Variants in SVEP1 observed in about 807,000 individuals in gnomAD.
The protein encoded by SVEP1 is sushi, von Willebrand factor type A, EGF and pentraxin domain-containing protein 1.
Under a neutral mutation model 367.3 loss-of-function variants are expected in SVEP1, and 164 were observed. The ratio of observed to expected loss-of-function variants is 0.45; its 90% CI spans 0.39 to 0.51. SVEP1 has a LOEUF of 0.51. SVEP1 is among the 20% of genes least tolerant of loss of function. SVEP1 has a pLI of 0.00. For synonymous variants in SVEP1, 1,666 were observed against 1,611.6 expected, an observed-to-expected ratio of 1.03 and a Z score of -0.81; for missense variants, 4,117 against 4,425.3, an observed-to-expected ratio of 0.93 and a Z score of 1.98.
chr9:110,382,595 A>C (rs539585812), intron 43 of SVEP1, among the ~76,000 whole-genome samples: 1 of 152,192 alleles, frequency 6.6e-6, no homozygotes, highest in East Asian at 1.9e-4. Flanking sequence ...GGATTTCCTG[A>C]ACTGGAATGT....
At chr9:110,470,790 T>A (rs1019727725) in intron 16 of SVEP1, among the ~76,000 whole-genome samples, 6 of 149,336 alleles carry the variant, frequency 4.0e-5, no homozygotes, top group Non-Finnish European at 8.9e-5. Context: ...ATATATATAT[T>A]TATTATACTT....
In SVEP1 at chr9:110,479,650, C is replaced by G. The variant is rs188609846; in HGVS notation, c.2472G>C (p.Thr824=). Residue 824 remains threonine, a synonymous_variant, in exon 13 of 48, where the codon ACG becomes ACC. Coordinates refer to ENST00000374469, the MANE Select transcript of SVEP1 (RefSeq NM_153366.4). ...LMKKFSEAFE[T]TLGKMVPSFC... is the part of the protein sequence containing the mutation. Reference sequence around the variant, plus strand: ...ATTGATGTACCATTTTTCCCAGGGTCGTCTCAAATGCTTCAGAAAACTTCT... The same window carrying G: ...ATTGATGTACCATTTTTCCCAGGGTGGTCTCAAATGCTTCAGAAAACTTCT... The G allele has an allele frequency of 1.4e-3, 2,255 of 1,605,120 alleles. 60 individuals are homozygous for G. In the Admixed American group the frequency reaches 0.037, roughly 26 times the overall value.
intron 34 of SVEP1, among the ~76,000 whole-genome samples, chr9:110,429,539 T>G (rs7042836): frequency 0.23 from 35,482 of 151,916 alleles, 4,703 homozygotes; most frequent in East Asian, 0.4. Context: ...AGGATAGATT[T>G]AAGAATTTGG....
intron 22 of SVEP1, 52 bp downstream of exon 22, chr9:110,455,538 T>G: frequency 7.5e-7 from 1 of 1,340,010 alleles, no homozygotes; most frequent in African/African-American, 1.5e-5. Flanking sequence ...AGTGATGAAA[T>G]GTTAATGATT....
intron 9 of SVEP1, among the ~76,000 whole-genome samples, chr9:110,485,114 G>A (rs7863655): frequency 0.86 from 131,445 of 152,224 alleles, 56,921 homozygotes; most frequent in East Asian, 0.99. Context: ...AAATCATTCT[G>A]TTACAAAGAT....
intron 36 of SVEP1, among the ~76,000 whole-genome samples, chr9:110,416,041 C>T (rs1039398073): frequency 6.6e-6 from 1 of 151,792 alleles, no homozygotes; most frequent in Non-Finnish European, 1.5e-5. Context: ...ACTCCCGAAA[C>T]ACCTGGTAGA....
At chr9:110,523,770 A>C (rs1470993811) in intron 3 of SVEP1, among the ~76,000 whole-genome samples, 1 of 152,236 alleles carries the variant, frequency 6.6e-6, no homozygotes, top group African/African-American at 2.4e-5. Context: ...TCAAATCGAT[A>C]ATCTAAGTTC....
chr9:110,435,489 G>C (rs1828419334), intron 28 of SVEP1, 125 bp from the exon 29 acceptor site: 2 of 1,126,166 alleles, frequency 1.8e-6, no homozygotes, highest in Non-Finnish European at 2.5e-6. Context: ...AGGGAAGCAG[G>C]TATGATTTCA....
At chr9:110,451,095 T>C (rs1048330825) in intron 23 of SVEP1, among the ~76,000 whole-genome samples, 194 bp downstream of exon 23, 4 of 152,168 alleles carry the variant, frequency 2.6e-5, no homozygotes, top group Non-Finnish European at 4.4e-5. Context: ...TGAGAGTAAA[T>C]TGCAGACCTG....
chr9:110,366,896 G>A lies in SVEP1; in HGVS notation c.10695-336C>T, dbSNP rs79297480. ...TCTCTTAGTCCATTAACAATCTATG[G>A]TTTTTCATTATGATATTTGCTTAGG... On this transcript the variant is annotated intron_variant, in intron 47 of 47. Transcript: ENST00000374469. Among the ~76,000 whole-genome samples, 27 of 152,324 alleles carry A rather than the reference G, an allele frequency of 1.8e-4. No homozygotes were observed. The East Asian group carries it at 5.2e-3, about 29-fold the overall frequency.
chr9:110,532,077 A>G (rs1304838538), intron 3 of SVEP1, among the ~76,000 whole-genome samples: 6 of 152,142 alleles, frequency 3.9e-5, no homozygotes, highest in African/African-American at 1.2e-4. Context: ...GAGTTCCCAT[A>G]TGCTGTGTTC....
At chr9:110,541,169 A>G (rs146836233) in intron 3 of SVEP1, among the ~76,000 whole-genome samples, 289 of 152,262 alleles carry the variant, frequency 1.9e-3, no homozygotes, top group Non-Finnish European at 3.2e-3. Flanking sequence ...GGGCATTTCT[A>G]ATATTCTACT....
chr9:110,480,565 G>A lies in SVEP1; in HGVS notation c.2365+677C>T, dbSNP rs1457336242. 2.6e-5 allele frequency among the ~76,000 whole-genome samples: 4 copies of A among 152,120 alleles called. No individual in the cohort carries two copies. In the East Asian group the frequency reaches 7.7e-4, roughly 29 times the overall value. ...CAAATATGAAGAGACTATGATTGAT[G>A]TATTTTATTCCATCATGTATGTTAG... On this transcript the variant is annotated intron_variant, in intron 12 of 47. Coordinates refer to ENST00000374469, the MANE Select transcript of SVEP1 (RefSeq NM_153366.4).
chr9:110,401,317 C>T (rs549537013), intron 39 of SVEP1, among the ~76,000 whole-genome samples: 6 of 151,744 alleles, frequency 4.0e-5, no homozygotes, highest in South Asian at 2.1e-4. Flanking sequence ...TTATAATGCA[C>T]GAGAACTGGA....
chr9:110,555,357 G>A lies in SVEP1; in HGVS notation c.532-5253C>T, dbSNP rs370761583. On this transcript the variant is annotated intron_variant, in intron 1 of 47. Transcript: ENST00000374469. The stretch of plus-strand genomic sequence containing the variant: ...AGTGGATAAACTACAGGATAGTCTG[G>A]AGCAGAGTTACTTGAATGAGTTGGT... 2.4e-4 allele frequency among the ~76,000 whole-genome samples: 36 copies of A among 152,290 alleles called. No individual in the cohort carries two copies. The East Asian group carries it at 5.0e-3, about 21-fold the overall frequency.
chr9:110,405,046 A>C (rs1233780580), intron 38 of SVEP1, among the ~76,000 whole-genome samples: 1 of 151,938 alleles, frequency 6.6e-6, no homozygotes, highest in Non-Finnish European at 1.5e-5. Context: ...AAAACAAAAA[A>C]CCGGTAATAA....
At position 110,499,029 on chromosome 9, in the gene SVEP1, G is replaced by T; in HGVS notation, c.1681+12C>A. On this transcript the variant is annotated intron_variant, in intron 7 of 47. Transcript: ENST00000374469. ...AAATTTGATTTTTAGCCTGACTAGT[G>T]TAGAGACCTACCTTTACACACAGCT... The T allele has an allele frequency of 6.2e-7, 1 of 1,610,822 alleles. No individual in the cohort carries two copies. The highest frequency in any genetic ancestry group is 8.5e-7 in the Non-Finnish European group (1 of 1,178,072).
intron 40 of SVEP1, among the ~76,000 whole-genome samples, chr9:110,394,400 A>T (rs796771127): frequency 6.6e-6 from 1 of 152,112 alleles, no homozygotes; most frequent in African/African-American, 2.4e-5. Context: ...CAAAGATGGG[A>T]AAAAAACAGA....
chr9:110,540,359 T>C (rs1830129333), intron 3 of SVEP1, among the ~76,000 whole-genome samples: 2 of 152,088 alleles, frequency 1.3e-5, no homozygotes, highest in South Asian at 2.1e-4. Flanking sequence ...TAAATCTAAT[T>C]ATGTGGTGTT....
Sources: allele counts gnomAD v4.1 joint callset (sites outside exome capture counted in the v4.1 genomes callset), GRCh38; gene constraint gnomAD v4.1.1; transcripts MANE v1.5; gene names NCBI Gene and HGNC (gene_info 2026-07-23, HGNC 2026-07-21).